The following CUL5 variants were observed in gnomAD, a reference collection of about 807,000 sequenced individuals.
CUL5 encodes the protein cullin 5, also known as cullin-5.
Under a neutral mutation model 108.8 loss-of-function variants are expected in CUL5, and 26 were observed. The observed-to-expected ratio is 0.24, with a 90% CI of 0.18 to 0.33. The LOEUF (loss-of-function observed/expected upper bound fraction) is 0.33, where lower values mean the gene tolerates loss of function less well. Among genes scored for constraint, CUL5 ranks in the 10% least tolerant of loss-of-function variants. CUL5 has a pLI of 1.00. For missense variants in CUL5, 524 were observed against 909.2 expected, an observed-to-expected ratio of 0.58 and a Z score of 5.45; for synonymous variants, 334 against 298.0, an observed-to-expected ratio of 1.12 and a Z score of -1.25.
chr11:108,103,352 G>T (rs905894033), intron 18 of CUL5, among the ~76,000 whole-genome samples: 1 of 151,812 alleles, frequency 6.6e-6, no homozygotes, highest in Non-Finnish European at 1.5e-5. Flanking sequence ...TTGAGTCTGG[G>T]GGTTCAAGAC....
At chr11:108,046,676 A>T (rs891601056) in intron 3 of CUL5, among the ~76,000 whole-genome samples, 3 of 152,088 alleles carry the variant, frequency 2.0e-5, no homozygotes, top group Non-Finnish European at 2.9e-5. Context: ...GTCCACACAG[A>T]TCTTTTTTTT....
At chr11:108,095,222 C>G (rs1368847466) in intron 15 of CUL5, among the ~76,000 whole-genome samples, 1 of 152,144 alleles carries the variant, frequency 6.6e-6, no homozygotes, top group Non-Finnish European at 1.5e-5. Context: ...TCTCAGTATT[C>G]CTGGCAACAG....
At chr11:108,020,880 A>C (rs1862312340) in intron 1 of CUL5, among the ~76,000 whole-genome samples, 1 of 152,146 alleles carries the variant, frequency 6.6e-6, no homozygotes, top group Non-Finnish European at 1.5e-5. Flanking sequence ...TTCACTCACT[A>C]CTCACTCACT....
At chr11:108,078,141 A>G in intron 10 of CUL5, 35 bp from the exon 11 acceptor site, 2 of 1,226,942 alleles carry the variant, frequency 1.6e-6, no homozygotes, top group East Asian at 2.5e-5. Context: ...TATTTTCAAT[A>G]TTAAAAATAT....
intron 1 of CUL5, among the ~76,000 whole-genome samples, chr11:108,023,001 C>T (rs1321458123): frequency 3.3e-5 from 5 of 152,218 alleles, no homozygotes; most frequent in Non-Finnish European, 7.3e-5. Context: ...GTAATCCTAG[C>T]ACTTTGGGAG....
At position 108,054,525 on chromosome 11, in the gene CUL5, A is replaced by G. The variant is rs532376421; in HGVS notation, c.554-122A>G. On this transcript the variant is annotated intron_variant, in intron 5 of 18. Coordinates refer to ENST00000393094, the MANE Select transcript of CUL5 (RefSeq NM_003478.6). ...GAGAAGGATTTTGTCTTATATAATT[A>G]TATGTTCTCTTGAGCATTGTTACCT... is the stretch of plus-strand genomic sequence containing the variant. 3 of 638,010 alleles carry G rather than the reference A, an allele frequency of 4.7e-6. No individual in the cohort carries two copies. In the Admixed American group the frequency reaches 1.1e-4, roughly 22 times the overall value. The allele number at this position is 638,010 out of a possible 1,614,324, so 39.5% of individuals were successfully genotyped here. A position where few individuals can be genotyped will look rare whatever the true frequency, so the allele number is the denominator to read the frequency against.
At chr11:108,036,471 T>C (rs1862746802) in intron 2 of CUL5, among the ~76,000 whole-genome samples, 1 of 152,176 alleles carries the variant, frequency 6.6e-6, no homozygotes, top group Non-Finnish European at 1.5e-5. Context: ...CCCCCCACTT[T>C]ACTTTAAATT....
chr11:108,065,639 G>T (rs1345973511), intron 7 of CUL5, among the ~76,000 whole-genome samples: 1 of 152,178 alleles, frequency 6.6e-6, no homozygotes, highest in African/African-American at 2.4e-5. Context: ...CAAGCACACA[G>T]ATTCTCCATG....
intron 1 of CUL5, among the ~76,000 whole-genome samples, chr11:108,010,654 G>A (rs1312288149): frequency 1.3e-5 from 2 of 152,180 alleles, no homozygotes; most frequent in African/African-American, 4.8e-5. Context: ...TTAAAACAGT[G>A]CCTGGCACTT....
At chr11:108,072,001 A>G (rs867630223) in intron 8 of CUL5, among the ~76,000 whole-genome samples, 19 of 152,068 alleles carry the variant, frequency 1.2e-4, no homozygotes, top group African/African-American at 3.9e-4. Flanking sequence ...ACATTGGGAG[A>G]CCCTGTCTCT....
intron 11 of CUL5, among the ~76,000 whole-genome samples, chr11:108,086,484 G>C (rs1005193378): frequency 6.6e-6 from 1 of 152,174 alleles, no homozygotes; most frequent in Admixed American, 6.6e-5. Flanking sequence ...GAGGGAGGTA[G>C]ATCACTTTGA....
intron 3 of CUL5, 101 bp from the exon 4 acceptor site, chr11:108,049,786 CAAT>C: frequency 1.1e-6 from 1 of 896,782 alleles, no homozygotes; most frequent in Non-Finnish European, 1.7e-6. Context: ...AGAGCTTGTA[CAAT>C]AATTTAAAAA....
At chr11:108,044,286 C>T (rs556041990) in intron 2 of CUL5, among the ~76,000 whole-genome samples, 1 of 152,000 alleles carries the variant, frequency 6.6e-6, no homozygotes. Context: ...GAGGCTGAGG[C>T]GGGTGGATCA....
intron 4 of CUL5, 37 bp downstream of exon 4, chr11:108,050,103 T>C (rs1302891916): frequency 2.7e-6 from 4 of 1,500,550 alleles, no homozygotes; most frequent in Non-Finnish European, 3.6e-6. Flanking sequence ...CTAATATTCT[T>C]CAGAAAGAGG....
chr11:108,056,082 A>G (rs1343952142), intron 7 of CUL5, among the ~76,000 whole-genome samples: 2 of 152,184 alleles, frequency 1.3e-5, no homozygotes, highest in Non-Finnish European at 2.9e-5. Flanking sequence ...CCTGGCCTCA[A>G]AATATTAAAA....
Position 108,097,610 on chromosome 11 carries a change from A to C in CUL5, c.1906-26A>C, listed in dbSNP as rs370688876. The C allele has an allele frequency of 3.1e-6, 4 of 1,281,846 alleles. No homozygotes were observed. The African/African-American group carries it at 5.9e-5, about 19-fold the overall frequency. The allele number at this position is 1,281,846 out of a possible 1,614,324, so 79.4% of individuals were successfully genotyped here. On this transcript the variant is annotated intron_variant, in intron 16 of 18. Coordinates refer to ENST00000393094, the MANE Select transcript of CUL5 (RefSeq NM_003478.6). ...GTATTCCATACTGTTTATAGATGCT[A>C]ATTGTTTTCTCCTTATTCTTCATAG...
rs755412933 is a variant in CUL5, at chr11:108,051,289, A to C, written c.411+1223A>C. 3.9e-5 allele frequency among the ~76,000 whole-genome samples: 6 copies of C among 152,100 alleles called. No homozygotes were observed. In the South Asian group the frequency reaches 1.2e-3, roughly 32 times the overall value. On this transcript the variant is annotated intron_variant, in intron 4 of 18. Coordinates refer to ENST00000393094, the MANE Select transcript of CUL5 (RefSeq NM_003478.6). ...CTTGTCCTCTTTTTTTGGCCATTCT[A>C]TTGGTTGTGGGAAGCAGCATCCACT... is the stretch of plus-strand genomic sequence containing the variant.
rs1862000317 is a variant in CUL5 at position 108,009,361 on chromosome 11, A to C, written c.13A>C (p.Asn5His). 1.9e-6 allele frequency: 3 copies of C among 1,612,964 alleles called. No individual in the cohort carries two copies. Among genetic ancestry groups the C allele is most frequent in the Non-Finnish European group, 2.5e-6 (3 of 1,179,638 alleles). Residue 5 changes from asparagine to histidine, a missense_variant, in exon 1 of 19, where the codon AAT becomes CAT. Transcript: ENST00000393094. ...CAAGTTAAAGAACATGGCGACGTCTAATCTGTTAAAGGTAAGACCCTCACT... is the reference window on the plus strand; with the variant it reads ...CAAGTTAAAGAACATGGCGACGTCTCATCTGTTAAAGGTAAGACCCTCACT... MATSNLLKNKGSLQF... is the reference protein window; with the variant it reads MATSHLLKNKGSLQF...
intron 11 of CUL5, among the ~76,000 whole-genome samples, chr11:108,087,850 G>A (rs1171876579): frequency 4.6e-5 from 7 of 151,902 alleles, no homozygotes; most frequent in African/African-American, 1.7e-4. Context: ...CTGTAATCCC[G>A]GCTGCTCTGG....
Sources: allele counts gnomAD v4.1 joint callset (sites outside exome capture counted in the v4.1 genomes callset), GRCh38; gene constraint gnomAD v4.1.1; transcripts MANE v1.5; gene names NCBI Gene and HGNC (gene_info 2026-07-23, HGNC 2026-07-21).